MIB1: variants seen among roughly 807,000 people sequenced by gnomAD.
MIB1 encodes the protein E3 ubiquitin-protein ligase MIB1.
MIB1 carries 278 observed loss-of-function variants against 124.5 expected under a neutral mutation model. That is an observed-to-expected ratio of 2.23 (90% CI 2.02 to 2.47). The LOEUF is 2.47. MIB1 is among the 30% of genes most tolerant of loss of function. The probability of loss-of-function intolerance (pLI) is 0.00; values close to 1 mark genes in which losing one functional copy is unlikely to be tolerated. For missense variants in MIB1, 957 were observed against 1,254.4 expected (o/e 0.76, Z 3.58); for synonymous variants, 446 against 429.4 (o/e 1.04, Z -0.48).
At chr18:21,814,713 A>G (rs949605886) in intron 10 of MIB1, among the ~76,000 whole-genome samples, 7 of 151,824 alleles carry the variant, frequency 4.6e-5, no homozygotes, top group African/African-American at 1.7e-4. Flanking sequence ...AGCTGGGATT[A>G]CAGGCATGTG....
chr18:21,842,327 A>G (rs893346611), intron 13 of MIB1, among the ~76,000 whole-genome samples: 3 of 152,124 alleles, frequency 2.0e-5, no homozygotes, highest in Non-Finnish European at 4.4e-5. Context: ...TTGAATCTTT[A>G]GCTCTTTTCT....
At chr18:21,784,404 A>G (rs1345172781) in intron 6 of MIB1, among the ~76,000 whole-genome samples, 1 of 152,142 alleles carries the variant, frequency 6.6e-6, no homozygotes, top group African/African-American at 2.4e-5. Context: ...GTTACCATGA[A>G]GCTTACAAAA....
At chr18:21,845,213 C>T (rs1293588382) in intron 15 of MIB1, among the ~76,000 whole-genome samples, 2 of 151,992 alleles carry the variant, frequency 1.3e-5, no homozygotes, top group Admixed American at 1.3e-4. Context: ...CGGGGTTTCA[C>T]CTTAGCCAGG....
intron 1 of MIB1, among the ~76,000 whole-genome samples, chr18:21,734,922 T>C (rs1357890253): frequency 6.6e-6 from 1 of 152,232 alleles, no homozygotes; most frequent in Non-Finnish European, 1.5e-5. Flanking sequence ...GAGTTAATTT[T>C]GGTACACAAA....
At chr18:21,801,851 G>A (rs1367374490) in intron 9 of MIB1, among the ~76,000 whole-genome samples, 1 of 152,012 alleles carries the variant, frequency 6.6e-6, no homozygotes, top group African/African-American at 2.4e-5. Context: ...CTCTGCACTG[G>A]ATGCCCACTT....
intron 6 of MIB1, among the ~76,000 whole-genome samples, chr18:21,785,969 C>T (rs1255116111): frequency 6.6e-6 from 1 of 152,138 alleles, no homozygotes; most frequent in Non-Finnish European, 1.5e-5. Flanking sequence ...GCTGAAAGGT[C>T]TGTTGCTAGA....
chr18:21,843,332 A>G, intron 14 of MIB1, 115 bp downstream of exon 14: 2 of 611,950 alleles, frequency 3.3e-6, no homozygotes, highest in Non-Finnish European at 5.3e-6. Context: ...GCATAGTTAG[A>G]TATAAGTAAA....
chr18:21,793,643 T>C (rs1036645292), intron 7 of MIB1, among the ~76,000 whole-genome samples: 4 of 150,514 alleles, frequency 2.7e-5, no homozygotes, highest in Non-Finnish European at 5.9e-5. Flanking sequence ...TAGCCAGGTG[T>C]GGTGGTGTGT....
intron 1 of MIB1, among the ~76,000 whole-genome samples, chr18:21,743,342 A>T (rs1290542085): frequency 6.6e-6 from 1 of 152,192 alleles, no homozygotes; most frequent in East Asian, 1.9e-4. Flanking sequence ...CCATTGTTTC[A>T]TGGCTGCATA....
At chr18:21,712,444 G>GTAT in intron 1 of MIB1, among the ~76,000 whole-genome samples, 1 of 152,120 alleles carries the variant, frequency 6.6e-6, no homozygotes. Context: ...TGTTATATAA[G>GTAT]ACTCCTTAGC....
chr18:21,849,225 T>C lies in MIB1; in HGVS notation c.2423T>C (p.Met808Thr). ...CAAGTGGGTTCTCGGAGTCCTTCTA[T>C]GATTAGTAATGATTCTGAAACCTTA... ...SGQVGSRSPS[M>T]ISNDSETLEE... Residue 808 changes from methionine to threonine, a missense_variant, in exon 17 of 21, where the codon ATG (methionine) becomes ACG (threonine). Met to Thr is a moderately conservative substitution (Grantham distance 81). Coordinates refer to ENST00000261537, the MANE Select transcript of MIB1 (RefSeq NM_020774.4). The C allele has an allele frequency of 6.3e-7, 1 of 1,592,348 alleles. No homozygotes were observed. The highest frequency in any genetic ancestry group is 8.5e-7 in the Non-Finnish European group (1 of 1,170,798).
rs757539398 is a variant in MIB1 at position 21,799,830 on chromosome 18, A to T, written c.1238-11A>T. On this transcript the variant is annotated splice_polypyrimidine_tract_variant and intron_variant, in intron 8 of 20. Transcript: ENST00000261537. ...CCTCCTATATTAGCAGCTTTATTTG[A>T]TGCTTTACAGAAAGACTCTCACAAC... 1.2e-5 allele frequency: 20 copies of T among 1,607,944 alleles called. No homozygotes were observed. The highest frequency in any genetic ancestry group is 5.0e-5 in the Admixed American group (3 of 59,682).
In MIB1 at chr18:21,844,182, C is replaced by T. The variant is rs1555696015; in HGVS notation, c.2140C>T (p.Gln714Ter). 5 of 1,614,154 alleles carry T rather than the reference C, an allele frequency of 3.1e-6. No homozygotes were observed. The highest frequency in any genetic ancestry group is 2.2e-5 in the East Asian group (1 of 44,872). Reference protein sequence around the residue: ...HEALRHHTLSQLRQLQDMQDV... With the variant: ...HEALRHHTLS ...AGCTCTAAGGCATCACACTTTGTCT[C>T]AGCTACGTCAGCTCCAAGATATGCA... Residue 714 changes from glutamine to a stop codon, truncating the protein, a stop_gained, in exon 15 of 21, where the codon CAG becomes TAG. Transcript: ENST00000261537. LOFTEE classifies it high-confidence loss of function.
intron 1 of MIB1, among the ~76,000 whole-genome samples, chr18:21,730,447 A>G (rs1465129720): frequency 6.6e-6 from 1 of 152,184 alleles, no homozygotes; most frequent in Non-Finnish European, 1.5e-5. Flanking sequence ...GTGCGCCTGT[A>G]GTCCTGGCTG....
chr18:21,721,172 T>G (rs1402847097), intron 1 of MIB1, among the ~76,000 whole-genome samples: 4 of 102,018 alleles, frequency 3.9e-5, no homozygotes, highest in Non-Finnish European at 7.7e-5. Flanking sequence ...TTTTTTTTTT[T>G]TTTTTTTTTT....
intron 1 of MIB1, among the ~76,000 whole-genome samples, chr18:21,750,797 G>A (rs1164422358): frequency 1.3e-5 from 2 of 152,106 alleles, no homozygotes; most frequent in Admixed American, 1.3e-4. Flanking sequence ...CTTTTTCATT[G>A]TGTTGGTTTT....
At position 21,724,870 on chromosome 18, in the gene MIB1, A is replaced by G. The variant is rs1043723695; in HGVS notation, n.167+19747A>G. ...CACTTTGGGAGACCGAGGCGGGCGG[A>G]TCACGAGGTCAGGAGATCGCGACCA... On this transcript the variant is annotated intron_variant and non_coding_transcript_variant, in intron 1 of 20. Transcript: ENST00000578646. Among the ~76,000 whole-genome samples the G allele has an allele frequency of 6.9e-5, 10 of 144,362 alleles. No homozygotes were observed. The South Asian group carries it at 2.2e-3, about 32-fold the overall frequency. 94.7% of individuals were successfully genotyped at this position (144,362 alleles called of 152,430 possible).
intron 10 of MIB1, among the ~76,000 whole-genome samples, chr18:21,809,015 A>C (rs2146466234): frequency 6.6e-6 from 1 of 152,224 alleles, no homozygotes; most frequent in East Asian, 1.9e-4. Context: ...AGATAACCCA[A>C]ATTTTTTGGC....
At chr18:21,727,614 A>T (rs1318746687) in intron 1 of MIB1, among the ~76,000 whole-genome samples, 1 of 152,128 alleles carries the variant, frequency 6.6e-6, no homozygotes, top group East Asian at 1.9e-4. Flanking sequence ...ACAATGAAAA[A>T]TTAGCCAGGC....
Sources: gnomAD v4.1 joint callset for allele counts (sites outside exome capture counted in the v4.1 genomes callset) on GRCh38, gnomAD v4.1.1 for gene constraint, MANE v1.5 for transcripts, NCBI Gene and HGNC (gene_info 2026-07-23, HGNC 2026-07-21) for gene names.